Variants in TASP1 observed in about 807,000 individuals in gnomAD.
The protein encoded by TASP1 is threonine aspartase 1.
Under a neutral mutation model 56.6 loss-of-function variants are expected in TASP1, and 16 were observed. The observed-to-expected ratio is 0.28, with a 90% confidence interval of 0.19 to 0.43. TASP1 has a LOEUF of 0.43. Ranked by LOEUF, TASP1 falls within the 20% of genes least tolerant of loss-of-function variation. The probability of loss-of-function intolerance (pLI) is 1.00; values close to 1 mark genes in which losing one functional copy is unlikely to be tolerated. For synonymous variants in TASP1, 179 were observed against 184.2 expected (o/e 0.97, Z 0.23); for missense variants, 393 against 511.6 (o/e 0.77, Z 2.24).
chr20:13,432,849 G>T (rs548371468), intron 12 of TASP1, among the ~76,000 whole-genome samples: 33 of 152,248 alleles, frequency 2.2e-4, no homozygotes, highest in African/African-American at 7.9e-4. Context: ...TAACACAAAT[G>T]GGTAAGAGTC....
At chr20:13,422,265 T>C (rs545312591) in intron 12 of TASP1, among the ~76,000 whole-genome samples, 4 of 152,344 alleles carry the variant, frequency 2.6e-5, no homozygotes, top group South Asian at 2.1e-4. Flanking sequence ...GAAATAATTA[T>C]ATGCATAAAC....
the TASP1 span, among the ~76,000 whole-genome samples, chr20:13,355,335 T>C: frequency 3.9e-5 from 6 of 152,238 alleles, no homozygotes; most frequent in Non-Finnish European, 5.9e-5. Flanking sequence ...AGAGCAAAGA[T>C]TTAGTTGCTG....
intron 11 of TASP1, among the ~76,000 whole-genome samples, chr20:13,455,991 G>GC (rs1193167836): frequency 5.9e-5 from 9 of 152,118 alleles, no homozygotes; most frequent in Admixed American, 2.0e-4. Context: ...GACAAGAGCA[G>GC]AGCTTTCAAT....
Position 13,616,078 on chromosome 20 carries a change from T to TAC in TASP1, c.282+7366_282+7367dup, listed in dbSNP as rs906161749. ...AGATCCAAACAAACACAAATACACATACACACACACACACACAATCATTCA... is the reference window on the plus strand; with the variant it reads ...AGATCCAAACAAACACAAATACACATACACACACACACACACACAATCATTCA... On this transcript the variant is annotated intron_variant, in intron 4 of 13. Coordinates refer to ENST00000337743, the MANE Select transcript of TASP1 (RefSeq NM_017714.3). 1.8e-3 allele frequency among the ~76,000 whole-genome samples: 269 copies of TAC among 150,064 alleles called. 3 individuals carry two copies. The highest frequency in any genetic ancestry group is 6.9e-3 in the Middle Eastern group (2 of 290).
chr20:13,109,993 G>C, the TASP1 span: 5 of 762,140 alleles, frequency 6.6e-6, no homozygotes, highest in Non-Finnish European at 1.0e-5. Flanking sequence ...CTCTGATTCT[G>C]AATTTGTTCT....
chr20:13,452,619 C>T (rs1292142197), intron 11 of TASP1, among the ~76,000 whole-genome samples: 1 of 151,840 alleles, frequency 6.6e-6, no homozygotes, highest in African/African-American at 2.4e-5. Flanking sequence ...ACTGACCACC[C>T]AGAACAGTGT....
At chr20:13,374,426 C>T in the TASP1 span, among the ~76,000 whole-genome samples, 1 of 151,634 alleles carries the variant, frequency 6.6e-6, no homozygotes, top group African/African-American at 2.4e-5. Context: ...CAGCTCACTG[C>T]AAGCTCTGCC....
At chr20:13,225,012 A>T in the TASP1 span, among the ~76,000 whole-genome samples, 31 of 137,662 alleles carry the variant, frequency 2.3e-4, no homozygotes, top group Non-Finnish European at 3.5e-4. Context: ...CGCCCGGCTA[A>T]TTTTTTTTTT....
the TASP1 span, among the ~76,000 whole-genome samples, chr20:13,115,842 G>C: frequency 1.3e-5 from 2 of 152,146 alleles, no homozygotes; most frequent in Admixed American, 6.5e-5. Flanking sequence ...GTGAAGAGGG[G>C]CCCATCATCC....
chr20:13,300,120 T>C, the TASP1 span: 1 of 152,202 alleles, frequency 6.6e-6, no homozygotes, highest in African/African-American at 2.4e-5. Context: ...GGGAATATGA[T>C]ATTTTAGGGA....
chr20:13,448,904 T>C (rs948706815), intron 11 of TASP1, among the ~76,000 whole-genome samples: 5 of 152,016 alleles, frequency 3.3e-5, no homozygotes, highest in Admixed American at 2.0e-4. Flanking sequence ...AAAAAACCCT[T>C]AGTTCTAAGA....
chr20:13,380,036 G>A, the TASP1 span, among the ~76,000 whole-genome samples: 1 of 152,080 alleles, frequency 6.6e-6, no homozygotes, highest in African/African-American at 2.4e-5. Flanking sequence ...TAGCTTGGAG[G>A]AGTTTGTTAT....
the TASP1 span, among the ~76,000 whole-genome samples, chr20:13,303,759 G>T: frequency 6.6e-6 from 1 of 152,214 alleles, no homozygotes; most frequent in South Asian, 2.1e-4. Context: ...GGATACAGCG[G>T]TGTACAAATC....
At chr20:13,312,946 T>C in the TASP1 span, among the ~76,000 whole-genome samples, 1 of 152,096 alleles carries the variant, frequency 6.6e-6, no homozygotes, top group East Asian at 1.9e-4. Flanking sequence ...TGCTTCACCT[T>C]ACCTACACCA....
the TASP1 span, among the ~76,000 whole-genome samples, chr20:13,365,794 AGATGT>A: frequency 6.6e-6 from 1 of 152,142 alleles, no homozygotes; most frequent in Non-Finnish European, 1.5e-5. Context: ...AGTAGGGAAG[AGATGT>A]GATGATTTAT....
chr20:13,431,469 C>A (rs2042802759), intron 12 of TASP1, among the ~76,000 whole-genome samples: 2 of 152,148 alleles, frequency 1.3e-5, no homozygotes, highest in Non-Finnish European at 2.9e-5. Flanking sequence ...ATACTATAAT[C>A]TTGATGCTGT....
the TASP1 span, among the ~76,000 whole-genome samples, chr20:13,352,276 C>A: frequency 6.6e-6 from 1 of 151,880 alleles, no homozygotes; most frequent in Non-Finnish European, 1.5e-5. Flanking sequence ...ATGGCGAAAC[C>A]CCATCTTTAC....
chr20:13,221,880 C>G, the TASP1 span: 1 of 1,407,620 alleles, frequency 7.1e-7, no homozygotes, highest in South Asian at 1.5e-5. Context: ...GGGCCCGACG[C>G]GGCCGCGGGC....
At chr20:13,247,517 G>GGTGTGTGTGTGT in the TASP1 span, among the ~76,000 whole-genome samples, 3 of 139,910 alleles carry the variant, frequency 2.1e-5, no homozygotes, top group Admixed American at 7.0e-5. Flanking sequence ...CAAAGTGAGG[G>GGTGTGTGTGTGT]GTGTGTGTGT....
Sources: allele counts gnomAD v4.1 joint callset (sites outside exome capture counted in the v4.1 genomes callset), GRCh38; gene constraint gnomAD v4.1.1; transcripts MANE v1.5; gene names NCBI Gene and HGNC (gene_info 2026-07-23, HGNC 2026-07-21).